The following MAPDA variants were observed in gnomAD, a reference collection of about 807,000 sequenced individuals.
The protein encoded by MAPDA is N6-Methyl-AMP deaminase.
At chr15:43,334,633 TTATATATATATATATATATATA>T in the MAPDA span, among the ~76,000 whole-genome samples, 100 of 65,174 alleles carry the variant, frequency 1.5e-3, 12 homozygotes, top group Non-Finnish European at 1.6e-3. Context: ...CTCAAAAAAA[TTATATATATATATATATATATA>T]TATATATATT....
chr15:43,341,703 C>G, the MAPDA span, among the ~76,000 whole-genome samples: 1 of 152,098 alleles, frequency 6.6e-6, no homozygotes, highest in Non-Finnish European at 1.5e-5. Flanking sequence ...TGCAGTGAAC[C>G]ATGATCGTGC....
chr15:43,338,975 G>A, the MAPDA span, among the ~76,000 whole-genome samples: 20 of 152,318 alleles, frequency 1.3e-4, no homozygotes, highest in African/African-American at 3.4e-4. Context: ...CACTTCAACC[G>A]TATTCCTCGT....
At chr15:43,351,298 C>G in the MAPDA span, 1 of 344,864 alleles carries the variant, frequency 2.9e-6, no homozygotes, top group East Asian at 5.4e-5. Flanking sequence ...TGCACTCCAT[C>G]TTGGGCAACA....
At chr15:43,341,849 AT>A in the MAPDA span, among the ~76,000 whole-genome samples, 6 of 151,748 alleles carry the variant, frequency 4.0e-5, no homozygotes, top group African/African-American at 9.7e-5. Context: ...TTATTTATTT[AT>A]TTTTTTTGAG....
At chr15:43,339,494 C>T in the MAPDA span, among the ~76,000 whole-genome samples, 5 of 152,188 alleles carry the variant, frequency 3.3e-5, no homozygotes, top group African/African-American at 1.2e-4. Flanking sequence ...TGCCAGGACA[C>T]TGCACTCACA....
At chr15:43,340,292 G>T in the MAPDA span, 1,410 of 1,614,030 alleles carry the variant, frequency 8.7e-4, 21 homozygotes, top group South Asian at 0.014. Flanking sequence ...AAAAGAATTT[G>T]CAGATGACGG....
At chr15:43,341,462 T>C in the MAPDA span, among the ~76,000 whole-genome samples, 9 of 152,322 alleles carry the variant, frequency 5.9e-5, no homozygotes, top group Middle Eastern at 3.4e-3. Context: ...GAAGACACTT[T>C]AATGACATGG....
At chr15:43,352,045 C>G in the MAPDA span, 26 of 1,261,862 alleles carry the variant, frequency 2.1e-5, no homozygotes, top group African/African-American at 3.8e-4. Flanking sequence ...AGCATAGCAA[C>G]CAAGTTCCTT....
chr15:43,340,673 C>T, the MAPDA span, among the ~76,000 whole-genome samples: 5 of 152,274 alleles, frequency 3.3e-5, no homozygotes, highest in South Asian at 1.0e-3. Context: ...GTGTGAGCCA[C>T]CGTGCCCATC....
the MAPDA span, chr15:43,351,040 G>A: frequency 6.4e-7 from 1 of 1,551,136 alleles, no homozygotes; most frequent in African/African-American, 1.4e-5. Flanking sequence ...TCTGTGATCT[G>A]TGTAAGGTGT....
the MAPDA span, chr15:43,336,659 T>A: frequency 1.9e-6 from 3 of 1,566,992 alleles, no homozygotes; most frequent in Non-Finnish European, 2.6e-6. Flanking sequence ...TTCATCAGCT[T>A]ACTAGTAGCC....
the MAPDA span, chr15:43,330,409 C>G: frequency 6.4e-6 from 10 of 1,572,592 alleles, no homozygotes; most frequent in Admixed American, 1.5e-4. Flanking sequence ...CGCGCGCGGC[C>G]AGGGAACGCT....
chr15:43,351,268 G>GTGA, the MAPDA span: 1 of 474,090 alleles, frequency 2.1e-6, no homozygotes, highest in African/African-American at 2.0e-5. Context: ...GGAGGTTGCA[G>GTGA]TGAGCAGAGA....
At chr15:43,334,633 T>TTACATATATATATA in the MAPDA span, among the ~76,000 whole-genome samples, 1 of 65,142 alleles carries the variant, frequency 1.5e-5, no homozygotes, top group Non-Finnish European at 4.7e-5. Flanking sequence ...CTCAAAAAAA[T>TTACATATATATATA]TATATATATA....
the MAPDA span, among the ~76,000 whole-genome samples, chr15:43,337,925 GC>G: frequency 6.6e-6 from 1 of 152,304 alleles, no homozygotes; most frequent in Non-Finnish European, 1.5e-5. Context: ...GGTAAGCTCT[GC>G]ATTAGACACA....
the MAPDA span, among the ~76,000 whole-genome samples, chr15:43,334,633 T>TTATTTATATATATATATATATATATATA: frequency 3.1e-5 from 2 of 65,172 alleles, no homozygotes; most frequent in Non-Finnish European, 4.7e-5. Flanking sequence ...CTCAAAAAAA[T>TTATTTATATATATATATATATATATATA]TATATATATA....
At chr15:43,338,467 A>G in the MAPDA span, among the ~76,000 whole-genome samples, 1 of 152,322 alleles carries the variant, frequency 6.6e-6, no homozygotes, top group East Asian at 1.9e-4. Flanking sequence ...TTGTAGATGA[A>G]AAAATAGGCT....
chr15:43,342,945 GAAA>G, the MAPDA span: 1 of 1,347,786 alleles, frequency 7.4e-7, no homozygotes, highest in Non-Finnish European at 1.0e-6. Flanking sequence ...GGTGAGGGAT[GAAA>G]TAGTTGATGA....
chr15:43,335,299 C>A, the MAPDA span: 1 of 907,358 alleles, frequency 1.1e-6, no homozygotes, highest in Non-Finnish European at 1.7e-6. Context: ...CTTTGGGAGG[C>A]CAAGGCGGGT....
Sources: allele counts gnomAD v4.1 joint callset (sites outside exome capture counted in the v4.1 genomes callset), GRCh38; gene constraint gnomAD v4.1.1; transcripts MANE v1.5; gene names NCBI Gene and HGNC (gene_info 2026-07-23, HGNC 2026-07-21).